The following MASTL variants were observed in gnomAD, a reference collection of about 807,000 sequenced individuals.
MASTL encodes the protein microtubule associated serine/threonine kinase like.
A neutral mutation model predicts 82.5 loss-of-function variants in MASTL; 54 were observed. The observed-to-expected ratio is 0.65, with a 90% CI of 0.53 to 0.82. The LOEUF (loss-of-function observed/expected upper bound fraction) is 0.82. Ranked by LOEUF, MASTL falls within the 40% of genes least tolerant of loss-of-function variation. MASTL has a pLI of 0.00. For missense variants in MASTL, 950 were observed against 1,047.8 expected (o/e 0.91, Z 1.29); for synonymous variants, 323 against 368.9 (o/e 0.88, Z 1.43).
intron 9 of MASTL, among the ~76,000 whole-genome samples, chr10:27,180,287 T>C (rs987880081): frequency 3.3e-5 from 5 of 152,238 alleles, no homozygotes; most frequent in Admixed American, 3.3e-4. Flanking sequence ...CGACAAGGGC[T>C]TGCTAGAGAT....
In MASTL at chr10:27,167,096, C is replaced by A. The variant is rs749744638; in HGVS notation, c.812-6C>A. The A allele has an allele frequency of 3.1e-6, 5 of 1,610,874 alleles. No homozygotes were observed. The highest frequency in any genetic ancestry group is 4.2e-6 in the Non-Finnish European group (5 of 1,177,138). On this transcript the variant is annotated splice_polypyrimidine_tract_variant and splice_region_variant and intron_variant, in intron 6 of 11. Coordinates refer to ENST00000375940, the MANE Select transcript of MASTL (RefSeq NM_001172303.3). ...CATGGAATTCAATATTGTCTCTTCT[C>A]TATAGGTCTTGAAACAGTTGCCTCC... is the stretch of plus-strand genomic sequence containing the variant.
Position 27,159,543 on chromosome 10 carries a change from C to A in MASTL, c.325-76C>A. The A allele has an allele frequency of 9.5e-7, 1 of 1,054,284 alleles. No homozygotes were observed. Among genetic ancestry groups the A allele is most frequent in the South Asian group, 1.3e-5 (1 of 74,326 alleles). The allele number at this position is 1,054,284 out of a possible 1,614,324, so 65.3% of individuals were successfully genotyped here. On this transcript the variant is annotated intron_variant, in intron 2 of 11. Transcript: ENST00000375940. The surrounding 1 kb of genome is among the most constrained non-coding windows in gnomAD (Gnocchi z 4.0). ...TACAGAGCCATGCCAAATATTGTAA[C>A]TGTAATGCCCAAATACTAGATTTTT...
At position 27,170,219 on chromosome 10, in the gene MASTL, C is replaced by T. The variant is rs751406014; in HGVS notation, c.1260C>T (p.Phe420=). ...ACACTGACACAAGTCAGTTAGGTTT[C>T]CATCAGTCAAATCAGTGGGCTGTGG... ...NMDTDTSQLG[F]HQSNQWAVDS... Residue 420 remains phenylalanine (F), a synonymous_variant, in exon 8 of 12, where the codon TTC becomes TTT. Coordinates refer to ENST00000375940, the MANE Select transcript of MASTL (RefSeq NM_001172303.3). 1.2e-6 allele frequency: 2 copies of T among 1,614,062 alleles called. No homozygotes were observed. The highest frequency in any genetic ancestry group is 1.7e-5 in the Admixed American group (1 of 60,000).
At chr10:27,180,267 G>A (rs1023100324) in intron 9 of MASTL, among the ~76,000 whole-genome samples, 1 of 152,276 alleles carries the variant, frequency 6.6e-6, no homozygotes, top group African/African-American at 2.4e-5. Context: ...GAGGGGAGCT[G>A]ATCACAAGGC....
At position 27,186,645 on chromosome 10, in the gene MASTL, A is replaced by C. The variant is rs1564515515; in HGVS notation, c.*109A>C. On this transcript the variant is annotated 3_prime_UTR_variant, in exon 12 of 12. Transcript: ENST00000375940. ...AGGGGGAAAGATCATTATTTAACCT[A>C]GTTCAATGTGCTTTTAATGTACGTT... 9 of 1,022,232 alleles carry C rather than the reference A, an allele frequency of 8.8e-6. No individual in the cohort carries two copies. Among genetic ancestry groups the C allele is most frequent in the Non-Finnish European group, 1.1e-5 (7 of 647,390 alleles). 63.3% of individuals were successfully genotyped at this position (1,022,232 alleles called of 1,614,324 possible).
chr10:27,166,603 ATC>A (rs1187612054), intron 6 of MASTL, among the ~76,000 whole-genome samples: 1 of 152,112 alleles, frequency 6.6e-6, no homozygotes, highest in East Asian at 1.9e-4. Flanking sequence ...TGAGACCCCC[ATC>A]TCTAGAAAAA....
chr10:27,161,321 A>T, intron 4 of MASTL, 139 bp downstream of exon 4: 1 of 591,106 alleles, frequency 1.7e-6, no homozygotes, highest in Non-Finnish European at 3.2e-6. Context: ...CAGCCTAGCT[A>T]ACGTGGCAAA....
At chr10:27,165,706 T>TC (rs1396435722) in intron 6 of MASTL, among the ~76,000 whole-genome samples, 167 bp downstream of exon 6, 1 of 151,752 alleles carries the variant, frequency 6.6e-6, no homozygotes, top group East Asian at 1.9e-4. Context: ...ACCCAGGAGT[T>TC]CAAGACCAGC....
At chr10:27,180,829 G>A in intron 9 of MASTL, 124 bp from the exon 10 acceptor site, 1 of 722,708 alleles carries the variant, frequency 1.4e-6, no homozygotes. Flanking sequence ...TTTTCTTTTT[G>A]CTTCCCCCTG....
chr10:27,167,147 T>A lies in MASTL; in HGVS notation c.857T>A (p.Leu286Gln), dbSNP rs778068225. 6.2e-7 allele frequency: 1 copy of A among 1,614,100 alleles called. No homozygotes were observed. Among genetic ancestry groups the A allele is most frequent in the Non-Finnish European group, 8.5e-7 (1 of 1,179,936 alleles). Residue 286 changes from leucine (L) to glutamine (Q), a missense_variant, in exon 7 of 12, where the codon CTA becomes CAA. Physicochemically the swap from Leu to Gln is moderately radical, Grantham distance 113. Transcript: ENST00000375940. ...ASNPGMPVKC[L>Q]TSNLLQSRKR... is the part of the protein sequence containing the mutation. Reference sequence around the variant, plus strand: ...AACCCAGGAATGCCTGTGAAGTGTCTAACTTCTAATTTACTCCAGTCTAGG... The same window carrying A: ...AACCCAGGAATGCCTGTGAAGTGTCAAACTTCTAATTTACTCCAGTCTAGG...
At chr10:27,180,898 A>G (rs2058252831) in intron 9 of MASTL, 55 bp from the exon 10 acceptor site, 2 of 1,142,438 alleles carry the variant, frequency 1.8e-6, no homozygotes. Flanking sequence ...ATTTCTGTTC[A>G]TCAAATATTT....
rs1190706308 is a variant in MASTL, at chr10:27,159,267, A to G, written c.325-352A>G. Among the ~76,000 whole-genome samples, 1 of 152,048 alleles carries G rather than the reference A, an allele frequency of 6.6e-6. No homozygotes were observed. The highest frequency in any genetic ancestry group is 1.5e-5 in the Non-Finnish European group (1 of 68,016). On this transcript the variant is annotated intron_variant, in intron 2 of 11. Coordinates refer to ENST00000375940, the MANE Select transcript of MASTL (RefSeq NM_001172303.3). This position sits in a 1 kb window ranked among gnomAD's most constrained non-coding sequence, Gnocchi z 4.0. ...GCCCAGCTAATTTTTTGTATAAATT[A>G]GCTGCCACCAGGCCCAGCTAATTTT...
chr10:27,161,122 T>C lies in MASTL; in HGVS notation c.493T>C (p.Ser165Pro). ...CTTGAAACCGGACAATATGCTTATT[T>C]CTAATGAGGGTCATATTAAACTGAC... Reference protein sequence around the residue: ...RDLKPDNMLISNEGHIKLTDF... With the variant: ...RDLKPDNMLIPNEGHIKLTDF... The change falls in exon 4 of 12, where the codon TCT (serine) becomes CCT (proline). Residue 165 changes from serine to proline, a missense_variant. Coordinates refer to ENST00000375940, the MANE Select transcript of MASTL (RefSeq NM_001172303.3). The C allele has an allele frequency of 6.2e-7, 1 of 1,613,278 alleles. No individual in the cohort carries two copies.
At chr10:27,154,568 C>A, upstream of MASTL, 1 of 383,866 alleles carries the variant, frequency 2.6e-6, no homozygotes, top group Non-Finnish European at 4.6e-6. Context: ...TGGACTTTTT[C>A]TTCGTTTTTT....
rs2135932120 is a variant in MASTL, at chr10:27,155,481, G to A, written c.55G>A (p.Glu19Lys). The change falls in exon 1 of 12, where the codon GAG becomes AAG. Residue 19 changes from glutamate to lysine, a missense_variant. Physicochemically the swap from Glu to Lys is moderately conservative, Grantham distance 56. Transcript: ENST00000375940. ...KEPGGGAATE[E>K]GVNRIAVPKP... ...GCCTGGAGGAGGCGCGGCGACTGAG[G>A]AGGGCGTGAATAGGATCGCAGTGCC... The A allele has an allele frequency of 1.9e-6, 3 of 1,614,036 alleles. No homozygotes were observed. In the East Asian group the frequency reaches 6.7e-5, roughly 36 times the overall value.
Position 27,167,294 on chromosome 10 carries a change from TA to T in MASTL, c.984+22del. The T allele has an allele frequency of 6.3e-7, 1 of 1,597,546 alleles. No homozygotes were observed. The highest frequency in any genetic ancestry group is 1.3e-5 in the African/African-American group (1 of 74,722). On this transcript the variant is annotated intron_variant, in intron 7 of 11. Transcript: ENST00000375940. ...TGCCAGGTTTGAGGGACATTTATCT[TA>T]ATGAAAATCAATTATGTATGTCAAA...
intron 9 of MASTL, among the ~76,000 whole-genome samples, chr10:27,180,449 T>C (rs2058237205): frequency 6.6e-6 from 1 of 152,184 alleles, no homozygotes. Flanking sequence ...TGGAGTGCAG[T>C]GGCGTGATCT....
intron 8 of MASTL, 94 bp from the exon 9 acceptor site, chr10:27,173,024 T>G: frequency 1.9e-4 from 278 of 1,446,540 alleles, no homozygotes; most frequent in East Asian, 4.6e-4. Flanking sequence ...TAGTAGCCTA[T>G]GAGCTAGTTA....
intron 1 of MASTL, among the ~76,000 whole-genome samples, chr10:27,158,260 G>C (rs931757767): frequency 2.0e-5 from 3 of 152,186 alleles, no homozygotes; most frequent in Non-Finnish European, 4.4e-5. Flanking sequence ...TGGCTTCCAC[G>C]TGTAATCCCA....
Sources: allele counts gnomAD v4.1 joint callset (sites outside exome capture counted in the v4.1 genomes callset), GRCh38; gene constraint gnomAD v4.1.1; non-coding constraint Gnocchi (gnomAD v3.1); transcripts MANE v1.5; gene names NCBI Gene and HGNC (gene_info 2026-07-23, HGNC 2026-07-21).